Variants in OPCML observed in about 807,000 individuals in gnomAD.
OPCML encodes opioid-binding protein/cell adhesion molecule.
Under a neutral mutation model 37.8 loss-of-function variants are expected in OPCML, and 13 were observed. The observed-to-expected ratio is 0.34, with a 90% CI of 0.22 to 0.55. The LOEUF (loss-of-function observed/expected upper bound fraction) is 0.55. OPCML is among the 20% of genes least tolerant of loss of function. The pLI is 0.91. For synonymous variants in OPCML, 176 were observed against 168.8 expected (o/e 1.04, Z -0.33); for missense variants, 341 against 435.6 (o/e 0.78, Z 1.93).
intron 2 of OPCML, among the ~76,000 whole-genome samples, chr11:132,684,763 T>C (rs1042744165): frequency 1.3e-5 from 2 of 152,224 alleles, no homozygotes; most frequent in Non-Finnish European, 2.9e-5. Flanking sequence ...TATATGCGTT[T>C]GTTCAAAAAC....
intron 4 of OPCML, among the ~76,000 whole-genome samples, chr11:132,488,180 T>C (rs2096205771): frequency 6.6e-6 from 1 of 152,228 alleles, no homozygotes. Context: ...CTAAGAGGCC[T>C]TGTGAAAATA....
At chr11:132,429,481 G>A (rs951491567) in intron 7 of OPCML, among the ~76,000 whole-genome samples, 4 of 152,140 alleles carry the variant, frequency 2.6e-5, no homozygotes, top group African/African-American at 4.8e-5. Flanking sequence ...GTGAGGGAGA[G>A]GAGGAAGTCA....
chr11:132,879,763 T>C (rs907478944), intron 2 of OPCML, among the ~76,000 whole-genome samples: 7 of 151,710 alleles, frequency 4.6e-5, no homozygotes, highest in Non-Finnish European at 1.5e-5. Flanking sequence ...AATAGGTTTC[T>C]CTTATGTTTG....
chr11:132,934,051 C>T (rs1945293796), intron 2 of OPCML, among the ~76,000 whole-genome samples: 2 of 152,140 alleles, frequency 1.3e-5, no homozygotes, highest in Admixed American at 1.3e-4. Context: ...GGCTATGTGC[C>T]TGAAAATAAA....
intron 3 of OPCML, among the ~76,000 whole-genome samples, chr11:132,616,943 C>A (rs143606556): frequency 2.4e-4 from 37 of 152,324 alleles, no homozygotes; most frequent in African/African-American, 8.4e-4. Flanking sequence ...CACTTTAATT[C>A]TTTTGCCCTC....
chr11:132,538,451 G>T (rs2096346698), intron 3 of OPCML, among the ~76,000 whole-genome samples: 3 of 152,090 alleles, frequency 2.0e-5, no homozygotes, highest in African/African-American at 7.2e-5. Context: ...GCTTCCTATT[G>T]GAATTATAAA....
At chr11:132,850,534 T>A (rs1406048344) in intron 2 of OPCML, among the ~76,000 whole-genome samples, 1 of 152,122 alleles carries the variant, frequency 6.6e-6, no homozygotes, top group East Asian at 1.9e-4. Flanking sequence ...TGTGTGTGTG[T>A]GTGTGTGTGT....
At chr11:133,292,887 G>A (rs1401172172) in intron 1 of OPCML, among the ~76,000 whole-genome samples, 1 of 152,136 alleles carries the variant, frequency 6.6e-6, no homozygotes, top group Non-Finnish European at 1.5e-5. Flanking sequence ...ATTCATGCAT[G>A]GGGATGCTCT....
intron 2 of OPCML, among the ~76,000 whole-genome samples, chr11:132,777,585 C>A (rs1222854877): frequency 6.6e-6 from 1 of 152,164 alleles, no homozygotes; most frequent in Non-Finnish European, 1.5e-5. Flanking sequence ...ATTAATCTGT[C>A]AACATTCTGT....
At chr11:133,136,367 A>G (rs1949690026) in intron 1 of OPCML, among the ~76,000 whole-genome samples, 1 of 72,978 alleles carries the variant, frequency 1.4e-5, no homozygotes, top group Non-Finnish European at 3.2e-5. Context: ...TTTAGTGCAG[A>G]GCCCCAACTT....
rs562138636 is a variant in OPCML, at chr11:133,177,785, A to C, written c.62-234775T>G. On this transcript the variant is annotated intron_variant, in intron 1 of 7. Transcript: ENST00000524381. The surrounding 1 kb of genome is among the most constrained non-coding windows in gnomAD (Gnocchi z 5.0). ...GAATCGGCCCCACACACTCACCGAAATGGCTCCAAAATTTGATATCAAAGC... is the reference window on the plus strand; with the variant it reads ...GAATCGGCCCCACACACTCACCGAACTGGCTCCAAAATTTGATATCAAAGC... Among the ~76,000 whole-genome samples, 1 of 152,280 alleles carries C rather than the reference A, an allele frequency of 6.6e-6. No homozygotes were observed. Among genetic ancestry groups the C allele is most frequent in the East Asian group, 1.9e-4 (1 of 5,168 alleles).
At chr11:132,592,591 G>A (rs192225256) in intron 3 of OPCML, among the ~76,000 whole-genome samples, 4 of 152,314 alleles carry the variant, frequency 2.6e-5, no homozygotes, top group Admixed American at 1.3e-4. Flanking sequence ...CAGTGAGTGA[G>A]CATGCCCATA....
chr11:132,818,126 G>A (rs4572145), intron 2 of OPCML, among the ~76,000 whole-genome samples: 69,352 of 151,824 alleles, frequency 0.46, 16,096 homozygotes, highest in East Asian at 0.6. Flanking sequence ...TAGCAAAAGA[G>A]GTGCCAGGGT....
intron 1 of OPCML, among the ~76,000 whole-genome samples, chr11:133,134,040 A>G (rs1389717902): frequency 6.6e-6 from 1 of 152,154 alleles, no homozygotes; most frequent in Non-Finnish European, 1.5e-5. Context: ...CTTTGATAAT[A>G]CAGGCTCCTG....
rs913999276 is a variant in OPCML at position 133,285,137 on chromosome 11, G to A, written c.61+247127C>T. Among the ~76,000 whole-genome samples, 3 of 152,310 alleles carry A rather than the reference G, an allele frequency of 2.0e-5. No homozygotes were observed. In the East Asian group the frequency reaches 5.8e-4, roughly 29 times the overall value. On this transcript the variant is annotated intron_variant, in intron 1 of 7. Transcript: ENST00000524381. ...ATTCTAGATGAGAACCCAAGACACG[G>A]AAGAGTATATGTGAAATTAGAGGGG...
intron 1 of OPCML, among the ~76,000 whole-genome samples, chr11:132,959,541 A>C (rs766354966): frequency 6.6e-6 from 1 of 152,214 alleles, no homozygotes; most frequent in Non-Finnish European, 1.5e-5. Flanking sequence ...TCTTTCGGGA[A>C]GGGAAGAGTG....
intron 1 of OPCML, among the ~76,000 whole-genome samples, chr11:133,475,224 GT>G (rs71887729): frequency 0.17 from 23,188 of 136,196 alleles, 1,905 homozygotes; most frequent in Admixed American, 0.21. Context: ...TTTTTTTGTT[GT>G]TTTTTTGTTG....
chr11:133,039,494 C>A (rs1472237179), intron 1 of OPCML, among the ~76,000 whole-genome samples: 1 of 152,158 alleles, frequency 6.6e-6, no homozygotes, highest in Non-Finnish European at 1.5e-5. Context: ...TCCCCTCACC[C>A]ACACTCATTT....
intron 1 of OPCML, among the ~76,000 whole-genome samples, chr11:133,094,940 G>T (rs771601733): frequency 6.6e-6 from 1 of 152,084 alleles, no homozygotes; most frequent in Non-Finnish European, 1.5e-5. Flanking sequence ...GCAGGTTTGA[G>T]CAAATATTTA....
Sources: allele counts gnomAD v4.1 joint callset (sites outside exome capture counted in the v4.1 genomes callset), GRCh38; gene constraint gnomAD v4.1.1; non-coding constraint Gnocchi (gnomAD v3.1); transcripts MANE v1.5; gene names NCBI Gene and HGNC (gene_info 2026-07-23, HGNC 2026-07-21).